CLIP1: variants seen among roughly 807,000 people sequenced by gnomAD.
CLIP1 encodes the protein CAP-Gly domain-containing linker protein 1.
In CLIP1, 66 loss-of-function variants were observed where a neutral mutation model predicts 161.6. That is an observed-to-expected ratio of 0.41 (90% CI 0.33 to 0.50). The LOEUF (loss-of-function observed/expected upper bound fraction) is 0.50, where lower values mean the gene tolerates loss of function less well. CLIP1 is among the 20% of genes least tolerant of loss of function. The pLI is 0.27. For synonymous variants in CLIP1, 598 were observed against 626.2 expected (o/e 0.96, Z 0.67); for missense variants, 1,376 against 1,702.0 (o/e 0.81, Z 3.37).
chr12:122,298,375 G>A (rs573998904), intron 20 of CLIP1, among the ~76,000 whole-genome samples: 4 of 152,218 alleles, frequency 2.6e-5, no homozygotes, highest in South Asian at 2.1e-4. Flanking sequence ...TTGGGAGGCC[G>A]AGGCGGGTGG....
At chr12:122,282,911 T>G (rs1393976868) in intron 21 of CLIP1, among the ~76,000 whole-genome samples, 3 of 152,100 alleles carry the variant, frequency 2.0e-5, no homozygotes, top group African/African-American at 7.2e-5. Flanking sequence ...CATTGGTAAG[T>G]AGCGCAAGCT....
At chr12:122,403,494 GTTTTGTTTTT>G (rs1367079959) in intron 1 of CLIP1, among the ~76,000 whole-genome samples, 3 of 55,816 alleles carry the variant, frequency 5.4e-5, no homozygotes, top group Non-Finnish European at 1.2e-4. Context: ...ATCATTTCTT[GTTTTGTTTTT>G]TTTTTTTTTT....
intron 7 of CLIP1, among the ~76,000 whole-genome samples, chr12:122,353,819 C>T (rs138968310): frequency 0.017 from 2,644 of 151,484 alleles, 64 homozygotes; most frequent in African/African-American, 0.057. Context: ...TTAGTAGAGA[C>T]GGGGTTTCAC....
rs1955186468 is a variant in CLIP1 at position 122,271,573 on chromosome 12, C to G, written c.*1302G>C. 6.6e-6 allele frequency: 1 copy of G among 152,622 alleles called. No individual in the cohort carries two copies. Among genetic ancestry groups the G allele is most frequent in the African/African-American group, 2.4e-5 (1 of 41,434 alleles). 9.5% of individuals were successfully genotyped at this position (152,622 alleles called of 1,614,324 possible). On this transcript the variant is annotated 3_prime_UTR_variant, in exon 26 of 26. Coordinates refer to ENST00000620786, the MANE Select transcript of CLIP1 (RefSeq NM_001247997.2). ...TTCAACTGGTACCAGATTGAATATT[C>G]ACTGTCGAACACACAGTTGATAATC...
chr12:122,277,200 C>T (rs536227925), intron 24 of CLIP1: 144 of 152,654 alleles, frequency 9.4e-4, no homozygotes, highest in Admixed American at 2.9e-3. Context: ...TCAAACAGTC[C>T]GCTTGCCACA....
chr12:122,366,520 C>A (rs1433406561), intron 3 of CLIP1, among the ~76,000 whole-genome samples: 3 of 152,158 alleles, frequency 2.0e-5, no homozygotes, highest in Non-Finnish European at 4.4e-5. Flanking sequence ...CACAGTGAGG[C>A]TCTCTGTTTC....
chr12:122,272,945 C>T lies in CLIP1; in HGVS notation c.4247G>A (p.Arg1416His), dbSNP rs1275907046. The change falls in exon 26 of 26, where the codon CGC (arginine) becomes CAC (histidine). Residue 1416 changes from arginine to histidine, a missense_variant. By Grantham distance (29) the Arg-to-His change is conservative. Around this residue, in one of 6 missense-constraint regions of CLIP1, gnomAD observed 948 missense variants for 1,134.8 expected, o/e 0.84. Transcript: ENST00000620786. The part of the protein sequence containing the change: ...STHHGSRGEE[R>H]PYCEICEMFG... ...CATCTCACAGATTTCACAGTATGGG[C>T]GTTCCTCACCCCGACTGCCATGGTG... is the stretch of plus-strand genomic sequence containing the variant. 1.9e-6 allele frequency: 3 copies of T among 1,614,172 alleles called. No homozygotes were observed. The highest frequency in any genetic ancestry group is 2.5e-6 in the Non-Finnish European group (3 of 1,180,028).
chr12:122,333,904 T>A (rs1387622007), intron 14 of CLIP1, 123 bp downstream of exon 14: 3 of 617,294 alleles, frequency 4.9e-6, no homozygotes, highest in Non-Finnish European at 8.7e-6. Context: ...CATTGTTATA[T>A]CACCATGATG....
At chr12:122,296,861 CAAAAAAAAAA>C (rs56071033) in intron 20 of CLIP1, among the ~76,000 whole-genome samples, 8 of 58,264 alleles carry the variant, frequency 1.4e-4, no homozygotes, top group African/African-American at 3.3e-4. Flanking sequence ...GAGACTACCT[CAAAAAAAAAA>C]AAAAAAAAAA....
At chr12:122,345,417 T>A (rs1002498726) in intron 10 of CLIP1, among the ~76,000 whole-genome samples, 1 of 152,068 alleles carries the variant, frequency 6.6e-6, no homozygotes, top group Non-Finnish European at 1.5e-5. Flanking sequence ...TGCCTTGGCC[T>A]CCCAAAGTGC....
chr12:122,380,536 T>C lies in CLIP1; in HGVS notation c.-84A>G. The stretch of plus-strand genomic sequence containing the variant: ...ATTGATACAACTGTGGGTTCTATAG[T>C]GAAGTCAGTCTCTGGATTAAATCTG... On this transcript the variant is annotated 5_prime_UTR_variant, in exon 2 of 26. Coordinates refer to ENST00000620786, the MANE Select transcript of CLIP1 (RefSeq NM_001247997.2). 4.0e-6 allele frequency: 3 copies of C among 750,770 alleles called. No homozygotes were observed. In the South Asian group the frequency reaches 5.6e-5, roughly 14 times the overall value. 46.5% of individuals were successfully genotyped at this position (750,770 alleles called of 1,614,324 possible).
intron 15 of CLIP1, among the ~76,000 whole-genome samples, chr12:122,329,110 T>C (rs1951826416): frequency 6.6e-6 from 1 of 152,026 alleles, no homozygotes; most frequent in Admixed American, 6.6e-5. Flanking sequence ...TGAGATCATT[T>C]AAGTTCAGGA....
At chr12:122,362,233 T>C (rs950552185) in intron 4 of CLIP1, among the ~76,000 whole-genome samples, 3 of 151,018 alleles carry the variant, frequency 2.0e-5, no homozygotes, top group African/African-American at 7.3e-5. Flanking sequence ...ATTACAGGCG[T>C]GAGCCACCAT....
intron 3 of CLIP1, among the ~76,000 whole-genome samples, chr12:122,370,954 T>C (rs1954417377): frequency 8.8e-6 from 1 of 113,186 alleles, no homozygotes; most frequent in African/African-American, 4.0e-5. Flanking sequence ...CAGGACTCTG[T>C]CTCAAAAAAA....
chr12:122,277,410 G>A (rs1592956142), intron 24 of CLIP1: 1 of 144,436 alleles, frequency 6.9e-6, no homozygotes, highest in East Asian at 2.0e-4. Context: ...TCAAACTTTT[G>A]GGCTCAAGCA....
intron 1 of CLIP1, among the ~76,000 whole-genome samples, chr12:122,417,763 C>T (rs1404466686): frequency 6.6e-6 from 1 of 152,078 alleles, no homozygotes; most frequent in South Asian, 2.1e-4. Context: ...CCACCCACCT[C>T]GGCCTCCCAA....
intron 1 of CLIP1, among the ~76,000 whole-genome samples, chr12:122,411,536 A>G (rs1956533542): frequency 1.3e-5 from 2 of 152,228 alleles, no homozygotes; most frequent in South Asian, 2.1e-4. Flanking sequence ...GTATTGGGGT[A>G]TATCTACACA....
intron 1 of CLIP1, among the ~76,000 whole-genome samples, chr12:122,413,592 C>A (rs1956620368): frequency 6.6e-6 from 1 of 152,140 alleles, no homozygotes. Context: ...AGAGCTTACG[C>A]TTATAGAAAA....
In CLIP1 at chr12:122,380,446, T is replaced by C. The variant is rs140092191; in HGVS notation, c.7A>G (p.Met3Val). ...GCCTTAAGCCCACTTGGCTTTAGCA[T>C]ACTCATTTTCTTTGTATGTCAGAGC... MS[M>V]LKPSGLKAPT... Residue 3 changes from methionine (M) to valine (V), a missense_variant, in exon 2 of 26, where the codon ATG (methionine) becomes GTG (valine). Met to Val is a conservative substitution (Grantham distance 21, BLOSUM62 1). Coordinates refer to ENST00000620786, the MANE Select transcript of CLIP1 (RefSeq NM_001247997.2). The C allele has an allele frequency of 1.1e-3, 1,774 of 1,610,882 alleles. 6 individuals carry two copies. Among genetic ancestry groups the C allele is most frequent in the Admixed American group, 2.3e-3 (140 of 59,616 alleles).
Sources: gnomAD v4.1 joint callset for allele counts (sites outside exome capture counted in the v4.1 genomes callset) on GRCh38, gnomAD v4.1.1 for gene constraint, gnomAD v4.1.1 regional missense constraint, MANE v1.5 for transcripts, NCBI Gene and HGNC (gene_info 2026-07-23, HGNC 2026-07-21) for gene names.